The following CSNK1G1 variants were observed in gnomAD, a reference collection of about 807,000 sequenced individuals.
CSNK1G1 encodes the protein casein kinase 1 gamma 1.
Under a neutral mutation model 59.6 loss-of-function variants are expected in CSNK1G1, and 22 were observed. That is an observed-to-expected ratio of 0.37 (90% CI 0.26 to 0.53). The LOEUF (loss-of-function observed/expected upper bound fraction) is 0.53, where lower values mean the gene tolerates loss of function less well. Among genes scored for constraint, CSNK1G1 ranks in the 20% least tolerant of loss-of-function variants. CSNK1G1 has a pLI of 0.89. For missense variants in CSNK1G1, 384 were observed against 519.5 expected, an observed-to-expected ratio of 0.74 and a Z score of 2.54; for synonymous variants, 179 against 177.1, an observed-to-expected ratio of 1.01 and a Z score of -0.08.
At chr15:64,172,024 C>T (rs372629355) in intron 11 of CSNK1G1, 39 bp from the exon 12 acceptor site, 3 of 1,580,566 alleles carry the variant, frequency 1.9e-6, no homozygotes, top group African/African-American at 2.7e-5. Flanking sequence ...TGCGGGAGGC[C>T]TGCAGCTTCC....
Position 64,343,268 on chromosome 15 carries a change from T to C in CSNK1G1, c.-225+12720A>G, listed in dbSNP as rs190024484. On this transcript the variant is annotated intron_variant, in intron 1 of 11. Transcript: ENST00000303052. ...TAAAATAGACCCCATTCTGCCTCTG[T>C]AGGCTTATTTCTCCTTCCTCCCCAC... Among the ~76,000 whole-genome samples, 586 of 113,264 alleles carry C rather than the reference T, an allele frequency of 5.2e-3. 3 individuals are homozygous for C. The highest frequency in any genetic ancestry group is 8.2e-3 in the Non-Finnish European group (426 of 51,848). The allele number at this position is 113,264 out of a possible 152,430, so 74.3% of individuals were successfully genotyped here.
chr15:64,240,691 C>T (rs1457949489), intron 4 of CSNK1G1, among the ~76,000 whole-genome samples: 1 of 151,946 alleles, frequency 6.6e-6, no homozygotes, highest in African/African-American at 2.4e-5. Flanking sequence ...GCAAAGCTAT[C>T]CTTCAGAAAT....
Position 64,185,063 on chromosome 15 carries a change from G to C in CSNK1G1, c.1108-4609C>G, listed in dbSNP as rs576418652. ...ACTTTAGAGGAATCTTTTTGAAAGG[G>C]AAAATATATTATCTTCTTGCATTTA... On this transcript the variant is annotated intron_variant, in intron 10 of 11. Transcript: ENST00000303052. Among the ~76,000 whole-genome samples the C allele has an allele frequency of 7.2e-5, 11 of 152,290 alleles. No homozygotes were observed. In the South Asian group the frequency reaches 2.3e-3, roughly 32 times the overall value.
At chr15:64,289,123 C>T (rs564126313) in intron 2 of CSNK1G1, among the ~76,000 whole-genome samples, 2 of 150,226 alleles carry the variant, frequency 1.3e-5, no homozygotes, top group South Asian at 2.1e-4. Flanking sequence ...AAGGCTGCAG[C>T]GAGCCGAGAT....
intron 1 of CSNK1G1, among the ~76,000 whole-genome samples, chr15:64,305,719 A>T (rs1282973089): frequency 8.7e-5 from 13 of 150,268 alleles, no homozygotes; most frequent in Non-Finnish European, 1.0e-4. Context: ...CAAAAACAAA[A>T]ACAAAAAAAA....
intron 1 of CSNK1G1, among the ~76,000 whole-genome samples, chr15:64,322,020 C>T (rs1896592313): frequency 6.6e-6 from 1 of 152,064 alleles, no homozygotes; most frequent in Non-Finnish European, 1.5e-5. Flanking sequence ...AACTAAATTA[C>T]TCTAAGTAGT....
chr15:64,230,147 G>T (rs114743102), intron 4 of CSNK1G1, among the ~76,000 whole-genome samples: 1,635 of 151,176 alleles, frequency 0.011, 30 homozygotes, highest in African/African-American at 0.031. Context: ...ATCACCTGAC[G>T]CGCTGGGCCT....
chr15:64,274,569 C>T (rs1215177070), intron 2 of CSNK1G1, among the ~76,000 whole-genome samples: 2 of 152,142 alleles, frequency 1.3e-5, no homozygotes, highest in Non-Finnish European at 2.9e-5. Context: ...CACTTCCTGG[C>T]TATTGGTTCC....
intron 10 of CSNK1G1, among the ~76,000 whole-genome samples, chr15:64,191,766 ACTACTGCCCGCCAATG>A: frequency 6.6e-6 from 1 of 152,206 alleles, no homozygotes; most frequent in Non-Finnish European, 1.5e-5. Context: ...ACTATACCAT[ACTACTGCCCGCCAATG>A]CCTTCTGTAT....
intron 1 of CSNK1G1, among the ~76,000 whole-genome samples, chr15:64,306,507 G>A (rs922586770): frequency 7.9e-5 from 12 of 152,188 alleles, no homozygotes; most frequent in African/African-American, 2.9e-4. Context: ...AAGATATGGA[G>A]CAATAGGAAC....
At chr15:64,283,282 T>C (rs780279028) in intron 2 of CSNK1G1, among the ~76,000 whole-genome samples, 2 of 152,194 alleles carry the variant, frequency 1.3e-5, no homozygotes, top group Non-Finnish European at 2.9e-5. Context: ...TACTAGCCCA[T>C]TGTTAGATAC....
At chr15:64,173,970 G>A (rs74019220) in intron 11 of CSNK1G1, among the ~76,000 whole-genome samples, 2,244 of 152,184 alleles carry the variant, frequency 0.015, 68 homozygotes, top group African/African-American at 0.051. Flanking sequence ...CAAGTTGAAT[G>A]TCCTGAAATT....
chr15:64,222,279 G>T (rs1308772110), intron 4 of CSNK1G1, among the ~76,000 whole-genome samples: 1 of 150,730 alleles, frequency 6.6e-6, no homozygotes, highest in Non-Finnish European at 1.5e-5. Context: ...CCTGTTGGTG[G>T]ATGGGGGGTC....
At chr15:64,223,526 C>CT (rs1462280834) in intron 4 of CSNK1G1, among the ~76,000 whole-genome samples, 2 of 152,176 alleles carry the variant, frequency 1.3e-5, no homozygotes, top group Non-Finnish European at 2.9e-5. Context: ...TATAATCTCT[C>CT]ATCTGCTCTG....
chr15:64,303,100 G>A (rs1297028818), intron 1 of CSNK1G1, among the ~76,000 whole-genome samples: 1 of 151,848 alleles, frequency 6.6e-6, no homozygotes, highest in Non-Finnish European at 1.5e-5. Flanking sequence ...GCAATGGTAT[G>A]TGCCTATAGT....
At chr15:64,334,719 G>A (rs764424703) in intron 1 of CSNK1G1, among the ~76,000 whole-genome samples, 5 of 152,244 alleles carry the variant, frequency 3.3e-5, no homozygotes, top group East Asian at 1.9e-4. Flanking sequence ...AGGAGGTGGC[G>A]CTCGGGCAGT....
chr15:64,276,610 C>T (rs936145828), intron 2 of CSNK1G1, among the ~76,000 whole-genome samples: 5 of 151,962 alleles, frequency 3.3e-5, no homozygotes, highest in African/African-American at 1.2e-4. Context: ...ATATTTCAGC[C>T]ACCCAGGTAG....
chr15:64,180,475 T>A (rs767987147), intron 10 of CSNK1G1, 21 bp from the exon 11 acceptor site: 1 of 1,580,994 alleles, frequency 6.3e-7, no homozygotes, highest in East Asian at 2.2e-5. Context: ...AAGACAGAAG[T>A]GTGTGACAGG....
At chr15:64,309,255 A>C (rs2140418546) in intron 1 of CSNK1G1, among the ~76,000 whole-genome samples, 1 of 151,594 alleles carries the variant, frequency 6.6e-6, no homozygotes, top group East Asian at 1.9e-4. Context: ...TGTCACATTC[A>C]CCATTTTATT....
Sources: allele counts gnomAD v4.1 joint callset (sites outside exome capture counted in the v4.1 genomes callset), GRCh38; gene constraint gnomAD v4.1.1; transcripts MANE v1.5; gene names NCBI Gene and HGNC (gene_info 2026-07-23, HGNC 2026-07-21).